The following ATP2B1 variants were observed in gnomAD, a reference collection of about 807,000 sequenced individuals.
ATP2B1 encodes ATPase plasma membrane Ca2+ transporting 1.
Under a neutral mutation model 124.2 loss-of-function variants are expected in ATP2B1, and 14 were observed. The ratio of observed to expected loss-of-function variants is 0.11; its 90% confidence interval spans 0.07 to 0.18. The LOEUF is 0.18. Ranked by LOEUF, ATP2B1 falls within the 10% of genes least tolerant of loss-of-function variation. ATP2B1 has a pLI of 1.00. For missense variants in ATP2B1, 763 were observed against 1,466.1 expected, an observed-to-expected ratio of 0.52 and a Z score of 7.83; for synonymous variants, 449 against 492.4, an observed-to-expected ratio of 0.91 and a Z score of 1.17.
chr12:89,603,722 G>C lies in ATP2B1; in HGVS notation c.2838C>G (p.Leu946=), dbSNP rs1876316475. The C allele has an allele frequency of 1.2e-6, 2 of 1,612,484 alleles. No homozygotes were observed. Among genetic ancestry groups the C allele is most frequent in the Non-Finnish European group, 1.7e-6 (2 of 1,178,530 alleles). ...ACACTGAATTCTTACCAGCAAATAAGAGTGTAAAGACTACTACAAGTTGAT... is the reference window on the plus strand; with the variant it reads ...ACACTGAATTCTTACCAGCAAATAACAGTGTAAAGACTACTACAAGTTGAT... ...AFYQLVVVFT[L]LFAGEKFFDI... The change falls in exon 17 of 21, where the codon CTC becomes CTG. Residue 946 remains leucine, a synonymous_variant. Coordinates refer to ENST00000428670, the MANE Select transcript of ATP2B1 (RefSeq NM_001366521.1). This position sits in a 1 kb window ranked among gnomAD's most constrained non-coding sequence, Gnocchi z 4.3.
chr12:89,662,448 A>G (rs1350337115), intron 1 of ATP2B1, among the ~76,000 whole-genome samples: 1 of 152,192 alleles, frequency 6.6e-6, no homozygotes, highest in Non-Finnish European at 1.5e-5. Flanking sequence ...GTACATTCAA[A>G]TTATTTCATT....
intron 2 of ATP2B1, among the ~76,000 whole-genome samples, chr12:89,650,912 GA>G (rs934979276): frequency 3.6e-4 from 55 of 150,874 alleles, no homozygotes; most frequent in African/African-American, 7.0e-4. Context: ...AGATACAGAA[GA>G]AAAAAAAACT....
At chr12:89,709,044 G>A (rs1237393826), upstream of ATP2B1, 2 of 151,236 alleles carry the variant, frequency 1.3e-5, no homozygotes, top group Non-Finnish European at 1.5e-5. Flanking sequence ...GCCGCGGGCG[G>A]GGTGCAGCCA....
intron 1 of ATP2B1, among the ~76,000 whole-genome samples, chr12:89,681,726 A>C (rs1889373802): frequency 6.6e-6 from 1 of 152,216 alleles, no homozygotes; most frequent in Non-Finnish European, 1.5e-5. Flanking sequence ...CCAGGAATAT[A>C]TAGTCCAATA....
At chr12:89,708,430 G>A (rs1320772887) in intron 1 of ATP2B1, among the ~76,000 whole-genome samples, 166 bp downstream of exon 1, 1 of 152,106 alleles carries the variant, frequency 6.6e-6, no homozygotes, top group Non-Finnish European at 1.5e-5. Flanking sequence ...CCTGCGAGGG[G>A]CCCCGACCGC....
In ATP2B1 at chr12:89,603,076, G is replaced by A; in HGVS notation, c.3027C>T (p.Phe1009=). The change falls in exon 18 of 21, where the codon TTC becomes TTT. Residue 1009 remains phenylalanine, a synonymous_variant. Coordinates refer to ENST00000428670, the MANE Select transcript of ATP2B1 (RefSeq NM_001366521.1). The surrounding 1 kb of genome is among the most constrained non-coding windows in gnomAD (Gnocchi z 4.3). ...CAAAAGTGCCTAAAACAATTGTGCAGAAGATGGCATTGTTAAAGATTCCTT... is the reference window on the plus strand; with the variant it reads ...CAAAAGTGCCTAAAACAATTGTGCAAAAGATGGCATTGTTAAAGATTCCTT... ...VFEGIFNNAI[F]CTIVLGTFVV... 2 of 1,613,916 alleles carry A rather than the reference G, an allele frequency of 1.2e-6. No individual in the cohort carries two copies. The highest frequency in any genetic ancestry group is 1.7e-6 in the Non-Finnish European group (2 of 1,179,906).
intron 3 of ATP2B1, chr12:89,641,833 C>A (rs1483275600): frequency 2.8e-5 from 5 of 180,396 alleles, no homozygotes; most frequent in Non-Finnish European, 5.7e-5. Context: ...GAAATTGTTT[C>A]ACAGTATAGT....
chr12:89,669,210 T>C (rs940343004), intron 1 of ATP2B1, among the ~76,000 whole-genome samples: 1 of 152,184 alleles, frequency 6.6e-6, no homozygotes, highest in Non-Finnish European at 1.5e-5. Context: ...CAGGATGGTC[T>C]TGTTCATTTC....
intron 20 of ATP2B1, chr12:89,594,226 A>G (rs920626381): frequency 6.6e-6 from 1 of 151,860 alleles, no homozygotes; most frequent in Non-Finnish European, 1.5e-5. Flanking sequence ...ATAAGAAAGC[A>G]CTCTTGATCT....
At chr12:89,656,312 C>T (rs1434309739) in intron 1 of ATP2B1, among the ~76,000 whole-genome samples, 1 of 152,172 alleles carries the variant, frequency 6.6e-6, no homozygotes, top group Non-Finnish European at 1.5e-5. Context: ...CATCAGAAGA[C>T]ATTAGATTAC....
chr12:89,662,137 C>T (rs202077779), intron 1 of ATP2B1, among the ~76,000 whole-genome samples: 49 of 139,194 alleles, frequency 3.5e-4, no homozygotes, highest in African/African-American at 1.2e-3. Context: ...ATCTTTCTTT[C>T]TTTTTTTTTT....
At chr12:89,618,162 T>C (rs1383672373) in intron 11 of ATP2B1, among the ~76,000 whole-genome samples, 3 of 152,166 alleles carry the variant, frequency 2.0e-5, no homozygotes, top group Non-Finnish European at 2.9e-5. Flanking sequence ...TTGATGATTC[T>C]ACTACTTGAA....
In ATP2B1 at chr12:89,603,504, G is replaced by A. The variant is rs1876273731; in HGVS notation, c.2848+208C>T. On this transcript the variant is annotated intron_variant, in intron 17 of 20. Coordinates refer to ENST00000428670, the MANE Select transcript of ATP2B1 (RefSeq NM_001366521.1). The surrounding 1 kb of genome is among the most constrained non-coding windows in gnomAD (Gnocchi z 4.3). ...GTGGAGAGCCAGGGTAAGACATCAG[G>A]ACTGTTTATTCTCCTGTTTATTCTA... 2 of 638,572 alleles carry A rather than the reference G, an allele frequency of 3.1e-6. No homozygotes were observed. The highest frequency in any genetic ancestry group is 4.1e-5 in the South Asian group (2 of 49,316). 39.6% of individuals were successfully genotyped at this position (638,572 alleles called of 1,614,324 possible). A position where few individuals can be genotyped will look rare whatever the true frequency, so the allele number is the denominator to read the frequency against.
intron 1 of ATP2B1, among the ~76,000 whole-genome samples, chr12:89,659,333 T>C (rs1886383196): frequency 6.6e-6 from 1 of 150,688 alleles, no homozygotes; most frequent in Admixed American, 6.6e-5. Flanking sequence ...CAAACCACTG[T>C]TGGTAGTCTT....
At position 89,634,774 on chromosome 12, in the gene ATP2B1, T is replaced by C. The variant is rs974456996; in HGVS notation, c.787+4A>G. 2 of 1,577,582 alleles carry C rather than the reference T, an allele frequency of 1.3e-6. No individual in the cohort carries two copies. The highest frequency in any genetic ancestry group is 2.0e-5 in the Admixed American group (1 of 50,730). ...GTGTTCAAAGATATAAATGAAATTT[T>C]TACCTGATAGAAGTAAGGGATCCTT... On this transcript the variant is annotated splice_donor_region_variant and intron_variant, in intron 5 of 20. Transcript: ENST00000428670.
chr12:89,693,197 A>C (rs2136754379), intron 1 of ATP2B1, among the ~76,000 whole-genome samples: 1 of 152,318 alleles, frequency 6.6e-6, no homozygotes, highest in South Asian at 2.1e-4. Flanking sequence ...ACTGACTTTT[A>C]AAGTGAGTCT....
chr12:89,609,907 G>A (rs762989545), intron 15 of ATP2B1, 30 bp downstream of exon 15: 7 of 1,585,476 alleles, frequency 4.4e-6, no homozygotes, highest in African/African-American at 4.0e-5. Flanking sequence ...AGTAAATTAC[G>A]TTTGGATATT....
chr12:89,623,156 C>T (rs575336939), intron 9 of ATP2B1, among the ~76,000 whole-genome samples: 4 of 152,014 alleles, frequency 2.6e-5, no homozygotes, highest in African/African-American at 9.6e-5. Context: ...CTTATCAAGA[C>T]AGGTCTAATA....
At chr12:89,594,663 T>C (rs1218109818) in intron 20 of ATP2B1, 1 of 148,670 alleles carries the variant, frequency 6.7e-6, no homozygotes, top group Admixed American at 6.7e-5. Flanking sequence ...ATTATCATAA[T>C]CATGAATTTT....
Sources: gnomAD v4.1 joint callset for allele counts (sites outside exome capture counted in the v4.1 genomes callset) on GRCh38, gnomAD v4.1.1 for gene constraint, Gnocchi (gnomAD v3.1) non-coding constraint, MANE v1.5 for transcripts, NCBI Gene and HGNC (gene_info 2026-07-23, HGNC 2026-07-21) for gene names.